Variants in PTPRN2 observed in about 807,000 individuals in gnomAD.
PTPRN2 encodes protein tyrosine phosphatase receptor type N2.
In PTPRN2, 74 loss-of-function variants were observed where a neutral mutation model predicts 118.8. That is an observed-to-expected ratio of 0.62 (90% confidence interval 0.52 to 0.76). The LOEUF (loss-of-function observed/expected upper bound fraction) is 0.76. PTPRN2 is among the 30% of genes least tolerant of loss of function. The probability of loss-of-function intolerance (pLI) is 0.00; values close to 1 mark genes in which losing one functional copy is unlikely to be tolerated. For missense variants in PTPRN2, 1,481 were observed against 1,394.4 expected, an observed-to-expected ratio of 1.06 and a Z score of -0.99; for synonymous variants, 641 against 608.0, an observed-to-expected ratio of 1.05 and a Z score of -0.80.
rs1239168709 is a variant in PTPRN2 at position 158,003,819 on chromosome 7, C to T, written c.1723+77479G>A. Among the ~76,000 whole-genome samples, 1 of 152,186 alleles carries T rather than the reference C, an allele frequency of 6.6e-6. No individual in the cohort carries two copies. Among genetic ancestry groups the T allele is most frequent in the Non-Finnish European group, 1.5e-5 (1 of 68,032 alleles). ...CCAAGGCCAGTGGTAAAACGGGCCT[C>T]TGCTTTTTTTAAAGAATAGCTTGTC... On this transcript the variant is annotated intron_variant, in intron 11 of 22. Transcript: ENST00000389418. The surrounding 1 kb of genome is among the most constrained non-coding windows in gnomAD (Gnocchi z 5.0).
At position 157,603,553 on chromosome 7, in the gene PTPRN2, A is replaced by G. The variant is rs540689691; in HGVS notation, c.2418+449T>C. Among the ~76,000 whole-genome samples, 1 of 152,238 alleles carries G rather than the reference A, an allele frequency of 6.6e-6. No individual in the cohort carries two copies. Among genetic ancestry groups the G allele is most frequent in the African/African-American group, 2.4e-5 (1 of 41,462 alleles). ...AGAAACAGGGTCCCATTCACTGGAA[A>G]TACTTCAGGAAAACGAACCTGAAAT... On this transcript the variant is annotated intron_variant, in intron 16 of 22. Transcript: ENST00000389418. This position sits in a 1 kb window ranked among gnomAD's most constrained non-coding sequence, Gnocchi z 5.4.
chr7:158,005,169 G>A (rs1805552922), intron 11 of PTPRN2, among the ~76,000 whole-genome samples: 1 of 151,884 alleles, frequency 6.6e-6, no homozygotes, highest in African/African-American at 2.4e-5. Context: ...CCACCTCCTG[G>A]ATTCAAGCAA....
chr7:158,110,850 C>A lies in PTPRN2; in HGVS notation c.1622G>T (p.Ser541Ile). The A allele has an allele frequency of 6.3e-7, 1 of 1,589,492 alleles. No homozygotes were observed. The highest frequency in any genetic ancestry group is 2.3e-5 in the East Asian group (1 of 43,984). ...TTACTCCACGTCAGCGAACGCACTG[C>A]TGGGCACCTGCAGGAGGCGGGCGAC... ...EDVARLLQVPSSAFADVEVLG... is the reference protein window; with the variant it reads ...EDVARLLQVPISAFADVEVLG... Residue 541 changes from serine (S) to isoleucine (I), a missense_variant, in exon 10 of 23, where the codon AGC (serine) becomes ATC (isoleucine). Physicochemically the swap from Ser to Ile is moderately radical, Grantham distance 142. Coordinates refer to ENST00000389418, the MANE Select transcript of PTPRN2 (RefSeq NM_002847.5).
intron 3 of PTPRN2, among the ~76,000 whole-genome samples, chr7:158,245,341 G>A (rs1796173847): frequency 1.3e-5 from 2 of 152,248 alleles, no homozygotes. Context: ...TCCACTGATG[G>A]TGCACGTGAC....
intron 12 of PTPRN2, among the ~76,000 whole-genome samples, chr7:157,769,069 C>T (rs1024710279): frequency 1.3e-5 from 2 of 152,214 alleles, no homozygotes; most frequent in Non-Finnish European, 2.9e-5. Context: ...TGATCATCTT[C>T]ATTAACCACA....
At chr7:158,333,849 G>C (rs1490382993) in intron 2 of PTPRN2, among the ~76,000 whole-genome samples, 1 of 142,032 alleles carries the variant, frequency 7.0e-6, no homozygotes, top group Middle Eastern at 4.5e-3. Context: ...CCATAGAGCT[G>C]ACACCCGCAG....
intron 2 of PTPRN2, among the ~76,000 whole-genome samples, chr7:158,406,547 C>A (rs1813456025): frequency 6.6e-6 from 1 of 152,246 alleles, no homozygotes; most frequent in South Asian, 2.1e-4. Context: ...TGCCTGGAGC[C>A]CCCTGCATCA....
chr7:158,334,081 C>G (rs1237630579), intron 2 of PTPRN2, among the ~76,000 whole-genome samples: 8 of 83,812 alleles, frequency 9.5e-5, no homozygotes, highest in East Asian at 3.5e-4. Flanking sequence ...CACACCCACA[C>G]TCTCACCATA....
chr7:158,327,814 C>A (rs1803777642), intron 2 of PTPRN2, among the ~76,000 whole-genome samples: 1 of 152,194 alleles, frequency 6.6e-6, no homozygotes, highest in Non-Finnish European at 1.5e-5. Context: ...GACACTGGAG[C>A]TGCCTCTGAA....
chr7:158,344,167 G>C (rs538335920), intron 2 of PTPRN2, among the ~76,000 whole-genome samples: 10 of 152,224 alleles, frequency 6.6e-5, no homozygotes, highest in Non-Finnish European at 1.5e-4. Flanking sequence ...GCAGCAAAGC[G>C]CAGGGCCTCA....
At chr7:157,638,343 T>G (rs1239623409) in intron 14 of PTPRN2, among the ~76,000 whole-genome samples, 1 of 152,166 alleles carries the variant, frequency 6.6e-6, no homozygotes, top group Admixed American at 6.5e-5. Context: ...TATCCAGCTC[T>G]TCACCAACCA....
At position 158,449,628 on chromosome 7, in the gene PTPRN2, C is replaced by T. The variant is rs368752357; in HGVS notation, c.163+40107G>A. Among the ~76,000 whole-genome samples the T allele has an allele frequency of 3.9e-4, 59 of 152,316 alleles. 3 individuals are homozygous for T. In the South Asian group the frequency reaches 4.4e-3, roughly 11 times the overall value. On this transcript the variant is annotated intron_variant, in intron 2 of 22. Transcript: ENST00000389418. ...GAACCCGTGAGGCTTAATTCATAGT[C>T]AGGAACATTTGGAGGAGTTCAGCCC...
intron 6 of PTPRN2, among the ~76,000 whole-genome samples, chr7:158,138,926 C>T (rs946372458): frequency 6.6e-6 from 1 of 152,102 alleles, no homozygotes; most frequent in African/African-American, 2.4e-5. Flanking sequence ...CAATGCCTGG[C>T]AAGGACAGCG....
intron 1 of PTPRN2, among the ~76,000 whole-genome samples, chr7:158,566,914 A>G (rs1265333355): frequency 6.6e-6 from 1 of 152,184 alleles, no homozygotes; most frequent in African/African-American, 2.4e-5. Context: ...TGGTTTCACC[A>G]TATTGGCCAG....
At chr7:158,007,860 G>T (rs1445800985) in intron 11 of PTPRN2, among the ~76,000 whole-genome samples, 4 of 146,842 alleles carry the variant, frequency 2.7e-5, no homozygotes, top group African/African-American at 1.0e-4. Context: ...TGCTGCATGT[G>T]TGTGGATGCA....
At chr7:157,830,346 C>T (rs1036291087) in intron 12 of PTPRN2, among the ~76,000 whole-genome samples, 2 of 152,228 alleles carry the variant, frequency 1.3e-5, no homozygotes, top group African/African-American at 4.8e-5. Flanking sequence ...AGGTATCATC[C>T]TGCAAATCAA....
chr7:158,430,510 G>A (rs1381823864), intron 2 of PTPRN2, among the ~76,000 whole-genome samples: 3 of 152,240 alleles, frequency 2.0e-5, no homozygotes, highest in South Asian at 2.1e-4. Flanking sequence ...ACGGCTCAGC[G>A]CGGCACCCCC....
chr7:157,756,803 A>C lies in PTPRN2; in HGVS notation c.1789-73866T>G, dbSNP rs535795722. 7.1e-3 allele frequency among the ~76,000 whole-genome samples: 1,086 copies of C among 152,248 alleles called. 23 individuals carry two copies. The South Asian group carries it at 0.075, about 10-fold the overall frequency. ...TCAGGAGAAGGGAGGAAAAAAAAAA[A>C]AAAACCCTGTTCCTGATAGACGAGA... On this transcript the variant is annotated intron_variant, in intron 12 of 22. Transcript: ENST00000389418.
chr7:157,902,036 C>T (rs184052018), intron 11 of PTPRN2, among the ~76,000 whole-genome samples: 170 of 152,358 alleles, frequency 1.1e-3, no homozygotes, highest in African/African-American at 3.9e-3. Flanking sequence ...GCACACTTCC[C>T]CCAGCTGAAG....
Sources: allele counts gnomAD v4.1 joint callset (sites outside exome capture counted in the v4.1 genomes callset), GRCh38; gene constraint gnomAD v4.1.1; non-coding constraint Gnocchi (gnomAD v3.1); transcripts MANE v1.5; gene names NCBI Gene and HGNC (gene_info 2026-07-23, HGNC 2026-07-21).